A2ML1: variants seen among roughly 807,000 people sequenced by gnomAD.
A2ML1 encodes the protein alpha-2-macroglobulin-like protein 1.
A2ML1 carries 161 observed loss-of-function variants against 181.9 expected under a neutral mutation model. That is an observed-to-expected ratio of 0.89 (90% confidence interval 0.78 to 1.01). The LOEUF is 1.01. A2ML1 is among the 50% of genes least tolerant of loss of function. A2ML1 has a pLI of 0.00. For synonymous variants in A2ML1, 663 were observed against 666.8 expected, an observed-to-expected ratio of 0.99 and a Z score of 0.09; for missense variants, 1,670 against 1,768.1, an observed-to-expected ratio of 0.94 and a Z score of 1.00.
intron 7 of A2ML1, among the ~76,000 whole-genome samples, chr12:8,836,829 C>T (rs1943296570): frequency 6.6e-6 from 1 of 151,886 alleles, no homozygotes; most frequent in Non-Finnish European, 1.5e-5. Flanking sequence ...TTCCATTGCT[C>T]ACTCAGATAG....
chr12:8,854,561 T>C (rs1943996337), intron 21 of A2ML1, among the ~76,000 whole-genome samples: 1 of 152,232 alleles, frequency 6.6e-6, no homozygotes, highest in East Asian at 1.9e-4. Context: ...GTTGCCTAAA[T>C]GTGTCTTTGG....
chr12:8,876,823 A>G (rs757067666), downstream of A2ML1: 1 of 152,338 alleles, frequency 6.6e-6, no homozygotes, highest in African/African-American at 2.4e-5. Context: ...TTGGAAACCA[A>G]AAGTTCTTTT....
chr12:8,832,576 A>T (rs12303661), intron 4 of A2ML1, among the ~76,000 whole-genome samples: 11,410 of 152,206 alleles, frequency 0.075, 1,207 homozygotes, highest in African/African-American at 0.24. Flanking sequence ...TAGGTCTGAC[A>T]TCTTTCACTT....
intron 20 of A2ML1, among the ~76,000 whole-genome samples, chr12:8,853,034 A>G (rs765060100): frequency 6.6e-5 from 10 of 152,080 alleles, no homozygotes; most frequent in African/African-American, 2.2e-4. Context: ...TTACTCTGTC[A>G]CCTAAGCTGG....
intron 31 of A2ML1, 22 bp from the exon 32 acceptor site, chr12:8,868,515 G>A (rs748391668): frequency 2.3e-5 from 37 of 1,612,418 alleles, no homozygotes; most frequent in Non-Finnish European, 2.9e-5. Flanking sequence ...GCTCACATGT[G>A]TTTTCTTCTT....
At chr12:8,872,435 A>T (rs954052416) in intron 33 of A2ML1, among the ~76,000 whole-genome samples, 12 of 152,098 alleles carry the variant, frequency 7.9e-5, no homozygotes, top group African/African-American at 2.7e-4. Context: ...TAATTAATTT[A>T]AAAATGATAA....
chr12:8,882,573 CT>C (rs1486008972), intron 7 of A2ML1, among the ~76,000 whole-genome samples: 6 of 152,146 alleles, frequency 3.9e-5, no homozygotes, highest in Admixed American at 2.0e-4. Flanking sequence ...TCCTCCACCC[CT>C]ATGTCTATTA....
chr12:8,868,142 T>A, intron 30 of A2ML1, 85 bp downstream of exon 30: 1 of 1,609,752 alleles, frequency 6.2e-7, no homozygotes, highest in South Asian at 1.1e-5. Flanking sequence ...TCTCTCTTTC[T>A]TTCTCACTTG....
intron 12 of A2ML1, chr12:8,845,047 A>C: frequency 7.0e-7 from 1 of 1,432,658 alleles, no homozygotes; most frequent in Non-Finnish European, 9.1e-7. Flanking sequence ...AATTATTTCC[A>C]CTGAATTTTA....
chr12:8,823,854 C>T lies in A2ML1; in HGVS notation c.381C>T (p.Asp127=). The change falls in exon 3 of 36, where the codon GAC becomes GAT. Residue 127 remains aspartate (D), a synonymous_variant. Coordinates refer to ENST00000299698, the MANE Select transcript of A2ML1 (RefSeq NM_144670.6). ...GGAACGGCACCTTTGTACAGACTGA[C>T]AAACCTCTCTACACCCCAGGGCAGC... is the stretch of plus-strand genomic sequence containing the variant. ...RQGNGTFVQT[D]KPLYTPGQQV... 6.2e-7 allele frequency: 1 copy of T among 1,613,730 alleles called. No homozygotes were observed. The highest frequency in any genetic ancestry group is 8.5e-7 in the Non-Finnish European group (1 of 1,179,824).
At chr12:8,828,534 T>C (rs961412521) in intron 3 of A2ML1, among the ~76,000 whole-genome samples, 1 of 152,098 alleles carries the variant, frequency 6.6e-6, no homozygotes, top group Non-Finnish European at 1.5e-5. Flanking sequence ...GGTCCAGAAA[T>C]GGCATCCAAG....
chr12:8,885,739 C>T (rs983148380), intron 7 of A2ML1, among the ~76,000 whole-genome samples: 1 of 152,316 alleles, frequency 6.6e-6, no homozygotes, highest in East Asian at 1.9e-4. Flanking sequence ...GTTGACATTA[C>T]AGGCGTGAGC....
At position 8,831,344 on chromosome 12, in the gene A2ML1, C is replaced by G. The variant is rs77247753; in HGVS notation, c.462+1565C>G. On this transcript the variant is annotated intron_variant, in intron 4 of 35. Coordinates refer to ENST00000299698, the MANE Select transcript of A2ML1 (RefSeq NM_144670.6). Reference sequence around the variant, plus strand: ...TGGCCCGCAGCAGCACTATTTTAGACTCACTTACCCTCAGGGTTGATCTCA... The same window carrying G: ...TGGCCCGCAGCAGCACTATTTTAGAGTCACTTACCCTCAGGGTTGATCTCA... Among the ~76,000 whole-genome samples the G allele has an allele frequency of 3.5e-3, 526 of 152,278 alleles. 3 individuals carry two copies. Among genetic ancestry groups the G allele is most frequent in the African/African-American group, 0.012 (511 of 41,564 alleles).
intron 7 of A2ML1, among the ~76,000 whole-genome samples, chr12:8,882,682 C>A (rs927753548): frequency 3.3e-5 from 5 of 152,094 alleles, no homozygotes; most frequent in Non-Finnish European, 7.4e-5. Flanking sequence ...AAAATCTGGG[C>A]CAGGTGCAGT....
intron 7 of A2ML1, among the ~76,000 whole-genome samples, chr12:8,882,193 TGAGAA>T (rs749852137): frequency 3.6e-4 from 55 of 151,844 alleles, no homozygotes; most frequent in African/African-American, 1.3e-3. Context: ...GAACAGGAAA[TGAGAA>T]GAGGAGAGAC....
chr12:8,836,998 A>G (rs1943302151), intron 7 of A2ML1, among the ~76,000 whole-genome samples: 1 of 152,120 alleles, frequency 6.6e-6, no homozygotes, highest in African/African-American at 2.4e-5. Context: ...GAAGAGAGCT[A>G]GAGAAAGGTA....
At chr12:8,846,272 G>T in intron 14 of A2ML1, 50 bp downstream of exon 14, 1 of 1,606,812 alleles carries the variant, frequency 6.2e-7, no homozygotes, top group South Asian at 1.1e-5. Flanking sequence ...CATAGAGAAA[G>T]ATCTTGTGTG....
intron 21 of A2ML1, 91 bp downstream of exon 21, chr12:8,854,340 C>T: frequency 1.3e-6 from 2 of 1,486,824 alleles, no homozygotes; most frequent in Non-Finnish European, 1.8e-6. Flanking sequence ...AGCAACCATA[C>T]TCCAGTCCAA....
At chr12:8,845,152 G>T (rs1252995656) in intron 12 of A2ML1, 2 of 1,491,964 alleles carry the variant, frequency 1.3e-6, no homozygotes, top group East Asian at 5.0e-5. Context: ...AGATCTTCAA[G>T]AAATGGCAGA....
Sources: gnomAD v4.1 joint callset for allele counts (sites outside exome capture counted in the v4.1 genomes callset) on GRCh38, gnomAD v4.1.1 for gene constraint, MANE v1.5 for transcripts, NCBI Gene and HGNC (gene_info 2026-07-23, HGNC 2026-07-21) for gene names.